The following RASGEF1B variants were observed in gnomAD, a reference collection of about 807,000 sequenced individuals.
The protein encoded by RASGEF1B is RasGEF domain family member 1B.
A neutral mutation model predicts 65.7 loss-of-function variants in RASGEF1B; 30 were observed. The observed-to-expected ratio is 0.46, with a 90% CI of 0.34 to 0.62. The LOEUF is 0.62. RASGEF1B is among the 20% of genes least tolerant of loss of function. The pLI is 0.01. For synonymous variants in RASGEF1B, 175 were observed against 194.8 expected (o/e 0.90, Z 0.85); for missense variants, 495 against 580.1 (o/e 0.85, Z 1.51).
rs1721991621 is a variant in RASGEF1B, at chr4:81,445,611, G to C, written c.843C>G (p.His281Gln). Reference protein sequence around the residue: ...TEICMPVKKKHRARMIEYFID... With the variant: ...TEICMPVKKKQRARMIEYFID... ...TGAAATACTCAATCATTCTTGCTCG[G>C]TGTTTTTTCTTAACAGGCTACACAG... Residue 281 changes from histidine (H) to glutamine (Q), a missense_variant, in exon 8 of 14, where the codon CAC (histidine) becomes CAG (glutamine). Transcript: ENST00000264400. 6.2e-7 allele frequency: 1 copy of C among 1,613,886 alleles called. No individual in the cohort carries two copies. Among genetic ancestry groups the C allele is most frequent in the Non-Finnish European group, 8.5e-7 (1 of 1,179,834 alleles).
intron 4 of RASGEF1B, chr4:81,451,071 C>T (rs939107381): frequency 6.6e-6 from 1 of 152,098 alleles, no homozygotes; most frequent in Admixed American, 6.6e-5. Flanking sequence ...AGGGTAGAAT[C>T]GCTTCTCACC....
intron 1 of RASGEF1B, among the ~76,000 whole-genome samples, chr4:81,466,482 A>C (rs766385338): frequency 6.6e-6 from 1 of 152,070 alleles, no homozygotes; most frequent in Non-Finnish European, 1.5e-5. Context: ...CAAGATTGCC[A>C]GGCGCGGTGG....
At position 81,435,294 on chromosome 4, in the gene RASGEF1B, C is replaced by T. The variant is rs947772971; in HGVS notation, c.1105-560G>A. On this transcript the variant is annotated intron_variant, in intron 10 of 13. Coordinates refer to ENST00000264400, the MANE Select transcript of RASGEF1B (RefSeq NM_152545.3). ...GGTGTGGTGGCGGGCGCCTGTAGTC[C>T]CAGCTACTCGGGAGGCTGAGGCAGG... is the stretch of plus-strand genomic sequence containing the variant. Among the ~76,000 whole-genome samples, 223 of 150,902 alleles carry T rather than the reference C, an allele frequency of 1.5e-3. 3 individuals carry two copies. The highest frequency in any genetic ancestry group is 5.1e-3 in the African/African-American group (208 of 41,138).
chr4:81,468,238 T>C (rs961091733), intron 1 of RASGEF1B, among the ~76,000 whole-genome samples: 14 of 152,238 alleles, frequency 9.2e-5, no homozygotes, highest in Non-Finnish European at 1.8e-4. Context: ...CTAATGAGGA[T>C]GTTTATTAAA....
intron 2 of RASGEF1B, among the ~76,000 whole-genome samples, chr4:81,458,648 G>C (rs1348212070): frequency 6.6e-6 from 1 of 152,182 alleles, no homozygotes; most frequent in Non-Finnish European, 1.5e-5. Flanking sequence ...TGCAGCACAG[G>C]GAAGGGGGAA....
rs958348906 is a variant in RASGEF1B at position 81,442,361 on chromosome 4, C to T, written c.944G>A (p.Ser315Asn). Residue 315 changes from serine (S) to asparagine (N), a missense_variant, in exon 9 of 14, where the codon AGC (serine) becomes AAC (asparagine). Physicochemically the swap from Ser to Asn is conservative, Grantham distance 46 (BLOSUM62 1). Coordinates refer to ENST00000264400, the MANE Select transcript of RASGEF1B (RefSeq NM_152545.3). ...LMAIISGMNMSPVSRLKKTWA... is the reference protein window; with the variant it reads ...LMAIISGMNMNPVSRLKKTWA... ...AGTTTTTTTTAGTCGAGAGACTGGG[C>T]TCATATTCATACCAGCTTCCCATTT... 1 of 1,610,912 alleles carries T rather than the reference C, an allele frequency of 6.2e-7. No homozygotes were observed. The highest frequency in any genetic ancestry group is 1.7e-5 in the Admixed American group (1 of 59,974).
intron 1 of RASGEF1B, among the ~76,000 whole-genome samples, chr4:81,466,443 A>G (rs921539768): frequency 6.6e-6 from 1 of 152,092 alleles, no homozygotes. Context: ...CACTATTTAA[A>G]ACATGACTTA....
At chr4:81,440,971 G>T in intron 9 of RASGEF1B, 42 bp from the exon 10 acceptor site, 1 of 1,296,086 alleles carries the variant, frequency 7.7e-7, no homozygotes, top group Non-Finnish European at 1.1e-6. Context: ...TTTATTTATT[G>T]TAAACTTCTG....
At chr4:81,431,022 G>T (rs1004795220) in intron 13 of RASGEF1B, among the ~76,000 whole-genome samples, 2 of 151,966 alleles carry the variant, frequency 1.3e-5, no homozygotes, top group East Asian at 3.9e-4. Flanking sequence ...ATACAGAAAG[G>T]AGGGATTAAA....
At chr4:81,434,033 T>C (rs572429196) in intron 11 of RASGEF1B, 70 bp from the exon 12 acceptor site, 1 of 1,324,650 alleles carries the variant, frequency 7.5e-7, no homozygotes, top group African/African-American at 1.5e-5. Context: ...GGAGAGGCAA[T>C]ACCATTTGAA....
intron 12 of RASGEF1B, 82 bp downstream of exon 12, chr4:81,433,758 T>C (rs1282865192): frequency 6.9e-7 from 1 of 1,450,544 alleles, no homozygotes; most frequent in Non-Finnish European, 9.6e-7. Flanking sequence ...CATTACTATA[T>C]GAGTAACCAA....
At chr4:81,439,535 C>T (rs1294506527) in intron 10 of RASGEF1B, among the ~76,000 whole-genome samples, 1 of 152,226 alleles carries the variant, frequency 6.6e-6, no homozygotes, top group Non-Finnish European at 1.5e-5. Flanking sequence ...ACAGCCTCCT[C>T]CCTGGGGCAG....
chr4:81,455,264 T>C (rs1409540769), intron 4 of RASGEF1B: 1 of 152,130 alleles, frequency 6.6e-6, no homozygotes, highest in African/African-American at 2.4e-5. Context: ...TAGTGAGGCT[T>C]TGTCTCTACA....
chr4:81,458,673 C>G (rs1722534729), intron 2 of RASGEF1B, among the ~76,000 whole-genome samples: 1 of 152,164 alleles, frequency 6.6e-6, no homozygotes, highest in Admixed American at 6.5e-5. Flanking sequence ...TCACTTGTCC[C>G]AGAAAGAAAA....
chr4:81,441,849 T>G (rs755376770), intron 9 of RASGEF1B, among the ~76,000 whole-genome samples: 11 of 152,136 alleles, frequency 7.2e-5, no homozygotes, highest in Non-Finnish European at 1.5e-4. Context: ...GGCCCACAAT[T>G]CTTACTATCC....
At chr4:81,439,778 G>A (rs546272100) in intron 10 of RASGEF1B, among the ~76,000 whole-genome samples, 4 of 152,196 alleles carry the variant, frequency 2.6e-5, no homozygotes, top group South Asian at 2.1e-4. Flanking sequence ...TTAAAAGCTG[G>A]CAAACTCTGT....
chr4:81,455,322 C>T (rs1322959826), intron 4 of RASGEF1B: 1 of 152,106 alleles, frequency 6.6e-6, no homozygotes, highest in Non-Finnish European at 1.5e-5. Context: ...CCTGTAGTCC[C>T]AGCTACTAGG....
At chr4:81,456,518 T>A (rs549085413) in intron 4 of RASGEF1B, 133 bp downstream of exon 4, 6 of 860,804 alleles carry the variant, frequency 7.0e-6, no homozygotes, top group Non-Finnish European at 1.2e-5. Context: ...TAGACCAATA[T>A]GTGATGTGGA....
At chr4:81,456,617 A>G (rs1560707757) in intron 4 of RASGEF1B, 34 bp downstream of exon 4, 1 of 1,612,440 alleles carries the variant, frequency 6.2e-7, no homozygotes. Context: ...CTGCCTGGGA[A>G]TTCCAGCAGC....
Sources: gnomAD v4.1 joint callset for allele counts (sites outside exome capture counted in the v4.1 genomes callset) on GRCh38, gnomAD v4.1.1 for gene constraint, MANE v1.5 for transcripts, NCBI Gene and HGNC (gene_info 2026-07-23, HGNC 2026-07-21) for gene names.